EPS8L1: variants seen among roughly 807,000 people sequenced by gnomAD.
EPS8L1 encodes epidermal growth factor receptor kinase substrate 8-like protein 1.
EPS8L1 carries 101 observed loss-of-function variants against 91.7 expected under a neutral mutation model. The observed-to-expected ratio is 1.10, with a 90% CI of 0.94 to 1.30. The LOEUF (loss-of-function observed/expected upper bound fraction) is 1.30, where lower values mean the gene tolerates loss of function less well. Among genes scored for constraint, EPS8L1 ranks in the 50% most tolerant of loss-of-function variants. EPS8L1 has a pLI of 0.00. For missense variants in EPS8L1, 1,114 were observed against 1,017.0 expected, an observed-to-expected ratio of 1.10 and a Z score of -1.30; for synonymous variants, 506 against 445.3, an observed-to-expected ratio of 1.14 and a Z score of -1.72.
chr19:55,083,331 G>A lies in EPS8L1; in HGVS notation c.1215-47G>A, dbSNP rs1188615993. 3 of 1,590,478 alleles carry A rather than the reference G, an allele frequency of 1.9e-6. No homozygotes were observed. The highest frequency in any genetic ancestry group is 1.7e-4 in the Middle Eastern group (1 of 5,966). ...GAAGTTAATGCAGGAACGAAGTTGG[G>A]GGCTGTATCAGGATCCCTGAGCTCT... On this transcript the variant is annotated intron_variant, in intron 12 of 19. Transcript: ENST00000201647. The surrounding 1 kb of genome is among the most constrained non-coding windows in gnomAD (Gnocchi z 4.7).
chr19:55,086,533 C>T lies in EPS8L1; in HGVS notation c.1777+15C>T, dbSNP rs371520864. 3.9e-6 allele frequency: 6 copies of T among 1,550,210 alleles called. No homozygotes were observed. The Admixed American group carries it at 7.9e-5, about 20-fold the overall frequency. ...CAGCGAGAAGGGTGAGTGGTGGGGA[C>T]GCCGGCTGCGGGGAGCGGTCCTTAT... is the stretch of plus-strand genomic sequence containing the variant. On this transcript the variant is annotated intron_variant, in intron 17 of 19. Transcript: ENST00000201647.
Position 55,082,320 on chromosome 19 carries a change from T to C in EPS8L1, c.1036T>C (p.Leu346=). ...NIADPSSPEL[L]HFLFGPLQMI... ...CGCCGACCCCTCCTCTCCGGAGCTG[T>C]TGCACTTCCTTTTCGGGCCTCTGCA... is the stretch of plus-strand genomic sequence containing the variant. The change falls in exon 11 of 20, where the codon TTG becomes CTG. Residue 346 remains leucine (L), a synonymous_variant. Transcript: ENST00000201647. 6.2e-7 allele frequency: 1 copy of C among 1,612,722 alleles called. No individual in the cohort carries two copies. Among genetic ancestry groups the C allele is most frequent in the Middle Eastern group, 1.6e-4 (1 of 6,062 alleles).
chr19:55,081,844 C>G lies in EPS8L1; in HGVS notation c.846C>G (p.Ala282=). 6.2e-7 allele frequency: 1 copy of G among 1,612,354 alleles called. No individual in the cohort carries two copies. Among genetic ancestry groups the G allele is most frequent in the South Asian group, 1.1e-5 (1 of 91,042 alleles). The change falls in exon 9 of 20, where the codon GCC becomes GCG. Residue 282 remains alanine, a synonymous_variant. Coordinates refer to ENST00000201647, the MANE Select transcript of EPS8L1 (RefSeq NM_133180.3). The surrounding 1 kb of genome is among the most constrained non-coding windows in gnomAD (Gnocchi z 4.9). The part of the protein sequence containing the change: ...VSRLQKSAEA[A]RVLEHRERGR... ...GGCTGCAGAAGTCGGCGGAGGCGGCCAGGGTGCTGGAGCACCGGGAACGCG... is the reference window on the plus strand; with the variant it reads ...GGCTGCAGAAGTCGGCGGAGGCGGCGAGGGTGCTGGAGCACCGGGAACGCG...
Position 55,086,408 on chromosome 19 carries a change from C to T in EPS8L1, c.1667C>T (p.Pro556Leu). 1 of 1,568,290 alleles carries T rather than the reference C, an allele frequency of 6.4e-7. No homozygotes were observed. The highest frequency in any genetic ancestry group is 8.7e-7 in the Non-Finnish European group (1 of 1,155,402). ...PARSLNSTPPPPPAPAPAPPP... is the reference protein window; with the variant it reads ...PARSLNSTPPLPPAPAPAPPP... ...TCCTTTCAGAACAGCACTCCTCCTC[C>T]ACCACCAGCCCCAGCCCCGGCCCCA... The change falls in exon 17 of 20, where the codon CCA becomes CTA. Residue 556 changes from proline to leucine, a missense_variant. Transcript: ENST00000201647.
rs764998553 is a variant in EPS8L1 at position 55,083,613 on chromosome 19, C to T, written c.1357-3C>T. 2 of 1,596,274 alleles carry T rather than the reference C, an allele frequency of 1.3e-6. No individual in the cohort carries two copies. The highest frequency in any genetic ancestry group is 2.3e-5 in the East Asian group (1 of 44,200). ...CCTGACCCGACTGTCTTACTTCCTACAGCAAAGCGCCCCCCAGGTCGCTGT... is the reference window on the plus strand; with the variant it reads ...CCTGACCCGACTGTCTTACTTCCTATAGCAAAGCGCCCCCCAGGTCGCTGT... On this transcript the variant is annotated splice_region_variant and splice_polypyrimidine_tract_variant and intron_variant, in intron 13 of 19. Coordinates refer to ENST00000201647, the MANE Select transcript of EPS8L1 (RefSeq NM_133180.3). The surrounding 1 kb of genome is among the most constrained non-coding windows in gnomAD (Gnocchi z 4.7).
intron 4 of EPS8L1, 50 bp downstream of exon 4, chr19:55,079,107 G>A (rs571018479): frequency 1.6e-5 from 25 of 1,597,246 alleles, no homozygotes; most frequent in Non-Finnish European, 2.1e-5. Context: ...GGCAAAGGTG[G>A]CCTCAGGAGA....
At position 55,080,780 on chromosome 19, in the gene EPS8L1, G is replaced by A; in HGVS notation, c.438G>A (p.Leu146=). ...GACGGTGTGATTGGCAGGCGGAGCT[G>A]ATCCGAGAGGACATCCAGGGGGCTC... ...FFQGLRLGAE[L]IREDIQGALH... Residue 146 remains leucine, a synonymous_variant, in exon 7 of 20, where the codon CTG becomes CTA. Transcript: ENST00000201647. The A allele has an allele frequency of 6.2e-7, 1 of 1,608,554 alleles. No homozygotes were observed. Among genetic ancestry groups the A allele is most frequent in the Non-Finnish European group, 8.5e-7 (1 of 1,177,756 alleles).
Position 55,081,008 on chromosome 19 carries a change from C to T in EPS8L1, c.512+154C>T. On this transcript the variant is annotated intron_variant, in intron 7 of 19. Transcript: ENST00000201647. The surrounding 1 kb of genome is among the most constrained non-coding windows in gnomAD (Gnocchi z 4.9). ...TCTGTACCTCCCAGACGAGCTGACC[C>T]CTTCTCCAGAACTCTGCTTCTTTTC... 1 of 900,646 alleles carries T rather than the reference C, an allele frequency of 1.1e-6. No homozygotes were observed. The highest frequency in any genetic ancestry group is 1.7e-5 in the African/African-American group (1 of 59,630). The allele number at this position is 900,646 out of a possible 1,614,324, so 55.8% of individuals were successfully genotyped here.
intron 11 of EPS8L1, 28 bp downstream of exon 11, chr19:55,082,377 C>A: frequency 6.2e-7 from 1 of 1,612,714 alleles, no homozygotes; most frequent in Admixed American, 1.7e-5. Flanking sequence ...CCCTCGGGCC[C>A]CCCTGCAGCG....
At chr19:55,086,636 C>CCCCCCCCCCCCCCCCCCCAGGGCCCCCAG in intron 17 of EPS8L1, 78 bp from the exon 18 acceptor site, 1 of 956,964 alleles carries the variant, frequency 1.0e-6, no homozygotes, top group Non-Finnish European at 1.4e-6. Context: ...CGCTGGAGCG[C>CCCCCCCCCCCCCCCCCCCAGGGCCCCCAG]CCCCCCGCCC....
rs1238452152 is a variant in EPS8L1 at position 55,082,735 on chromosome 19, T to TG, written c.1214+137dup. ...GGTTAGAGGCGTGGCTTAGTTGTGT[T>TG]GGGGCGGGGCTTAGGACAGATGCCA... On this transcript the variant is annotated intron_variant, in intron 12 of 19. Coordinates refer to ENST00000201647, the MANE Select transcript of EPS8L1 (RefSeq NM_133180.3). The TG allele has an allele frequency of 9.1e-5, 77 of 846,080 alleles. 2 individuals are homozygous for TG. In the East Asian group the frequency reaches 2.0e-3, roughly 22 times the overall value. 52.4% of individuals were successfully genotyped at this position (846,080 alleles called of 1,614,324 possible). A position where few individuals can be genotyped will look rare whatever the true frequency, so the allele number is the denominator to read the frequency against.
At chr19:55,085,665 G>C in intron 14 of EPS8L1, 176 bp from the exon 15 acceptor site, 2 of 696,052 alleles carry the variant, frequency 2.9e-6, no homozygotes, top group Non-Finnish European at 4.7e-6. Flanking sequence ...GCCAAGCAAC[G>C]GAGGGAGCAA....
rs2053923703 is a variant in EPS8L1 at position 55,083,756 on chromosome 19, G to A, written c.1385+112G>A. On this transcript the variant is annotated intron_variant, in intron 14 of 19. Transcript: ENST00000201647. This position sits in a 1 kb window ranked among gnomAD's most constrained non-coding sequence, Gnocchi z 4.7. ...CTGTGTTTTTCCTTCTGTCTTCCTG[G>A]CTCTTCTCAGGTGGGTGAGATGGTG... The A allele has an allele frequency of 7.6e-7, 1 of 1,321,518 alleles. No homozygotes were observed. 81.9% of individuals were successfully genotyped at this position (1,321,518 alleles called of 1,614,324 possible). A position where few individuals can be genotyped will look rare whatever the true frequency, so the allele number is the denominator to read the frequency against.
chr19:55,080,936 A>T, intron 7 of EPS8L1, 82 bp downstream of exon 7: 1 of 1,320,366 alleles, frequency 7.6e-7, no homozygotes, highest in Non-Finnish European at 1.0e-6. Flanking sequence ...AGCCTGGAAC[A>T]GAACAAGAGT....
chr19:55,083,092 C>CA lies in EPS8L1; in HGVS notation c.1215-284dup, dbSNP rs1168587173. ...CCAGAGAGAGAGATGGATGGGGTCTCAATATTTTGCCCAGGCTGGTCTGGA... is the reference window on the plus strand; with the variant it reads ...CCAGAGAGAGAGATGGATGGGGTCTCAAATATTTTGCCCAGGCTGGTCTGGA... On this transcript the variant is annotated intron_variant, in intron 12 of 19. Coordinates refer to ENST00000201647, the MANE Select transcript of EPS8L1 (RefSeq NM_133180.3). The surrounding 1 kb of genome is among the most constrained non-coding windows in gnomAD (Gnocchi z 4.7). 5.3e-5 allele frequency among the ~76,000 whole-genome samples: 8 copies of CA among 152,270 alleles called. No homozygotes were observed. Among genetic ancestry groups the CA allele is most frequent in the African/African-American group, 1.7e-4 (7 of 41,552 alleles).
Position 55,081,222 on chromosome 19 carries a change from C to T in EPS8L1, c.513-9C>T, listed in dbSNP as rs779613167. 5 of 1,498,582 alleles carry T rather than the reference C, an allele frequency of 3.3e-6. No individual in the cohort carries two copies. Among genetic ancestry groups the T allele is most frequent in the Admixed American group, 4.6e-5 (2 of 43,832 alleles). 92.8% of individuals were successfully genotyped at this position (1,498,582 alleles called of 1,614,324 possible). A position where few individuals can be genotyped will look rare whatever the true frequency, so the allele number is the denominator to read the frequency against. ...GACCCAGTCTTGGTGTCCCCGTCGC[C>T]CTCCGCAGGGCCACGCAGGAGGAGT... On this transcript the variant is annotated splice_polypyrimidine_tract_variant and intron_variant, in intron 7 of 19. Transcript: ENST00000201647. The surrounding 1 kb of genome is among the most constrained non-coding windows in gnomAD (Gnocchi z 4.9).
At chr19:55,080,910 C>T in intron 7 of EPS8L1, 56 bp downstream of exon 7, 1 of 1,481,042 alleles carries the variant, frequency 6.8e-7, no homozygotes, top group South Asian at 1.3e-5. Flanking sequence ...CTCCTTGTGC[C>T]TCAGTCTACA....
chr19:55,079,293 G>A (rs2076202873), intron 4 of EPS8L1, among the ~76,000 whole-genome samples: 1 of 152,182 alleles, frequency 6.6e-6, no homozygotes. Flanking sequence ...TGGACAGTGG[G>A]ACCACGGAGG....
rs367919817 is a variant in EPS8L1 at position 55,087,411 on chromosome 19, C to T, written c.2061C>T (p.Val687=). The part of the protein sequence containing the change: ...PEEGARVYSQ[V]TVQRSLLEDK... ...AGGGGGCACGTGTGTACAGCCAGGT[C>T]ACCGTGCAGCGCTCGCTGCTGGAGG... is the stretch of plus-strand genomic sequence containing the variant. Residue 687 remains valine (V), a synonymous_variant, in exon 19 of 20, where the codon GTC becomes GTT. Transcript: ENST00000201647. 1.8e-5 allele frequency: 29 copies of T among 1,614,078 alleles called. No homozygotes were observed. The African/African-American group carries it at 3.1e-4, about 17-fold the overall frequency.
Sources: allele counts gnomAD v4.1 joint callset (sites outside exome capture counted in the v4.1 genomes callset), GRCh38; gene constraint gnomAD v4.1.1; non-coding constraint Gnocchi (gnomAD v3.1); transcripts MANE v1.5; gene names NCBI Gene and HGNC (gene_info 2026-07-23, HGNC 2026-07-21).